Variants in SPATA6 observed in about 807,000 individuals in gnomAD.
SPATA6 encodes spermatogenesis-associated protein 6.
Under a neutral mutation model 65.3 loss-of-function variants are expected in SPATA6, and 56 were observed. That is an observed-to-expected ratio of 0.86 (90% CI 0.69 to 1.07). The LOEUF (loss-of-function observed/expected upper bound fraction) is 1.07. Ranked by LOEUF, SPATA6 falls within the 50% of genes least tolerant of loss-of-function variation. SPATA6 has a pLI of 0.00. For missense variants in SPATA6, 590 were observed against 594.8 expected, an observed-to-expected ratio of 0.99 and a Z score of 0.08; for synonymous variants, 199 against 213.2, an observed-to-expected ratio of 0.93 and a Z score of 0.58.
In SPATA6 at chr1:48,453,006, C is replaced by G. The variant is rs1656711028; in HGVS notation, c.177G>C (p.Met59Ile). The G allele has an allele frequency of 6.2e-7, 1 of 1,612,654 alleles. No individual in the cohort carries two copies. The highest frequency in any genetic ancestry group is 1.3e-5 in the African/African-American group (1 of 74,962). The change falls in exon 2 of 13, where the codon ATG (methionine) becomes ATC (isoleucine). Residue 59 changes from methionine (M) to isoleucine (I), a missense_variant. Physicochemically the swap from Met to Ile is conservative, Grantham distance 10 (BLOSUM62 1). Transcript: ENST00000371847. ...TATTTGAACTCACCTTTTCAAACAC[C>G]ATTCTGGCATTGAAGACCAGGGGAA... ...ATFPLVFNAR[M>I]VFEKVFPDAV...
Position 48,420,289 on chromosome 1 carries a change from C to A in SPATA6, c.239-7138G>T, listed in dbSNP as rs1196976946. On this transcript the variant is annotated intron_variant, in intron 3 of 12. Transcript: ENST00000371847. ...TGCTATATATCTCTTCATCCATATTCTTTATACTAGCCTTTATAATAAACT... is the reference window on the plus strand; with the variant it reads ...TGCTATATATCTCTTCATCCATATTATTTATACTAGCCTTTATAATAAACT... 2.6e-5 allele frequency among the ~76,000 whole-genome samples: 4 copies of A among 152,284 alleles called. No individual in the cohort carries two copies. In the East Asian group the frequency reaches 7.7e-4, roughly 29 times the overall value.
At chr1:48,404,830 T>G (rs972314435) in intron 5 of SPATA6, among the ~76,000 whole-genome samples, 1 of 152,222 alleles carries the variant, frequency 6.6e-6, no homozygotes. Context: ...GAACACTGTT[T>G]GAAATAATAG....
At chr1:48,287,530 T>A in the SPATA6 span, among the ~76,000 whole-genome samples, 1 of 152,244 alleles carries the variant, frequency 6.6e-6, no homozygotes, top group Non-Finnish European at 1.5e-5. Context: ...TTTAGCACCA[T>A]CCCCTTGTGA....
the SPATA6 span, among the ~76,000 whole-genome samples, chr1:48,280,404 T>C: frequency 3.3e-5 from 5 of 152,092 alleles, no homozygotes; most frequent in African/African-American, 1.2e-4. Context: ...GCTGTTTTTT[T>C]GAGAGAATCA....
rs1650965145 is a variant in SPATA6 at position 48,399,600 on chromosome 1, G to T, written c.531C>A (p.Gly177=). 1.2e-6 allele frequency: 2 copies of T among 1,603,516 alleles called. No individual in the cohort carries two copies. The highest frequency in any genetic ancestry group is 1.3e-5 in the African/African-American group (1 of 74,398). ...ATCTTGATGTTCTGTTTTGCAGTCT[G>T]CCATGTGATTTTTCAACTGGAGCCA... ...YHLAPVEKSH[G]RLQNRTSRSQ... The change falls in exon 7 of 13, where the codon GGC becomes GGA. Residue 177 remains glycine, a synonymous_variant. Coordinates refer to ENST00000371847, the MANE Select transcript of SPATA6 (RefSeq NM_019073.4).
chr1:48,329,481 C>T (rs750174126), intron 11 of SPATA6, among the ~76,000 whole-genome samples: 6 of 152,192 alleles, frequency 3.9e-5, no homozygotes, highest in African/African-American at 1.2e-4. Flanking sequence ...ATAAAATGAA[C>T]AAATTCTTAA....
chr1:48,363,563 T>C (rs1646886373), intron 9 of SPATA6, among the ~76,000 whole-genome samples: 7 of 152,106 alleles, frequency 4.6e-5, no homozygotes, highest in Admixed American at 4.6e-4. Flanking sequence ...GATAATTTTC[T>C]TCTGTGTATA....
At chr1:48,411,416 A>G (rs1253244578) in intron 5 of SPATA6, 48 bp downstream of exon 5, 2 of 1,566,036 alleles carry the variant, frequency 1.3e-6, no homozygotes, top group South Asian at 2.5e-5. Flanking sequence ...GTGGTTTCTG[A>G]CAATGATTTT....
chr1:48,273,152 G>A, the SPATA6 span, among the ~76,000 whole-genome samples: 1 of 152,000 alleles, frequency 6.6e-6, no homozygotes, highest in African/African-American at 2.4e-5. Flanking sequence ...TTTGTTGTCT[G>A]TCCTTTTGTT....
chr1:48,466,630 TG>T (rs896153330), intron 1 of SPATA6, among the ~76,000 whole-genome samples: 2 of 151,266 alleles, frequency 1.3e-5, no homozygotes, highest in African/African-American at 2.4e-5. Context: ...ATTTGTTAAA[TG>T]GGGGGTGGGG....
rs1484668176 is a variant in SPATA6, at chr1:48,297,415, T to G, written c.*1298A>C. ...ATAGAGATAGCTCTAATGCCCTTTCTGATATATCACAGACTGTGATACTAA... is the reference window on the plus strand; with the variant it reads ...ATAGAGATAGCTCTAATGCCCTTTCGGATATATCACAGACTGTGATACTAA... On this transcript the variant is annotated 3_prime_UTR_variant, in exon 13 of 13. Transcript: ENST00000371847. The G allele has an allele frequency of 1.3e-5, 2 of 152,114 alleles. No individual in the cohort carries two copies. The highest frequency in any genetic ancestry group is 4.8e-5 in the African/African-American group (2 of 41,432). 9.4% of individuals were successfully genotyped at this position (152,114 alleles called of 1,614,324 possible).
At chr1:48,306,401 A>C (rs183312537) in intron 11 of SPATA6, among the ~76,000 whole-genome samples, 2 of 152,128 alleles carry the variant, frequency 1.3e-5, no homozygotes, top group Admixed American at 1.3e-4. Context: ...AATTGGAATG[A>C]AAATATATGG....
At chr1:48,309,336 C>A (rs1645141620) in intron 11 of SPATA6, among the ~76,000 whole-genome samples, 1 of 152,012 alleles carries the variant, frequency 6.6e-6, no homozygotes, top group Non-Finnish European at 1.5e-5. Flanking sequence ...TTTGACTTGT[C>A]TTCAAGTCCA....
chr1:48,424,599 C>T (rs963226907), intron 3 of SPATA6, among the ~76,000 whole-genome samples: 2 of 152,128 alleles, frequency 1.3e-5, no homozygotes, highest in Non-Finnish European at 2.9e-5. Flanking sequence ...ATTTACATTC[C>T]CAGAAACAGT....
At chr1:48,277,292 G>A in the SPATA6 span, among the ~76,000 whole-genome samples, 14 of 152,232 alleles carry the variant, frequency 9.2e-5, no homozygotes, top group East Asian at 9.7e-4. Flanking sequence ...CTGAGGTACC[G>A]GGTTCATCTC....
chr1:48,403,598 C>CT (rs1557669365), intron 6 of SPATA6, among the ~76,000 whole-genome samples: 2 of 152,128 alleles, frequency 1.3e-5, no homozygotes, highest in African/African-American at 4.8e-5. Context: ...ATGACATCCT[C>CT]TATCATACAC....
chr1:48,389,792 T>C (rs138032342), intron 8 of SPATA6, among the ~76,000 whole-genome samples: 1 of 152,254 alleles, frequency 6.6e-6, no homozygotes, highest in African/African-American at 2.4e-5. Flanking sequence ...AAGGGAACTC[T>C]AAACCTGAAA....
chr1:48,428,012 T>A (rs1653999774), intron 3 of SPATA6, among the ~76,000 whole-genome samples: 1 of 152,188 alleles, frequency 6.6e-6, no homozygotes, highest in Non-Finnish European at 1.5e-5. Context: ...TTAATTCACT[T>A]AGGATAATGG....
At chr1:48,462,199 T>TG (rs1374650616) in intron 1 of SPATA6, among the ~76,000 whole-genome samples, 27 of 139,502 alleles carry the variant, frequency 1.9e-4, no homozygotes, top group African/African-American at 5.4e-4. Context: ...TGTTGTGGGG[T>TG]GGGGGGAGCG....
Sources: allele counts gnomAD v4.1 joint callset (sites outside exome capture counted in the v4.1 genomes callset), GRCh38; gene constraint gnomAD v4.1.1; transcripts MANE v1.5; gene names NCBI Gene and HGNC (gene_info 2026-07-23, HGNC 2026-07-21).